Variants in CTDSPL observed in about 807,000 individuals in gnomAD.
CTDSPL encodes CTD small phosphatase-like protein.
A neutral mutation model predicts 30.5 loss-of-function variants in CTDSPL; 8 were observed. The ratio of observed to expected loss-of-function variants is 0.26; its 90% CI spans 0.15 to 0.47. The LOEUF (loss-of-function observed/expected upper bound fraction) is 0.47. CTDSPL is among the 20% of genes least tolerant of loss of function. The probability of loss-of-function intolerance (pLI) is 0.99; values close to 1 mark genes in which losing one functional copy is unlikely to be tolerated. For missense variants in CTDSPL, 248 were observed against 366.1 expected, an observed-to-expected ratio of 0.68 and a Z score of 2.63; for synonymous variants, 110 against 137.9, an observed-to-expected ratio of 0.80 and a Z score of 1.42.
intron 1 of CTDSPL, among the ~76,000 whole-genome samples, chr3:37,939,233 C>G (rs73058943): frequency 6.7e-6 from 1 of 150,118 alleles, no homozygotes; most frequent in East Asian, 1.9e-4. Flanking sequence ...TAGATTTTCT[C>G]TCTTACACAA....
intron 1 of CTDSPL, among the ~76,000 whole-genome samples, chr3:37,876,721 T>A (rs1316435538): frequency 6.6e-6 from 1 of 152,204 alleles, no homozygotes; most frequent in Non-Finnish European, 1.5e-5. Flanking sequence ...TTGTTGAATA[T>A]GTGTTTTGCA....
At chr3:37,967,525 G>A (rs958844592) in intron 4 of CTDSPL, among the ~76,000 whole-genome samples, 4 of 152,234 alleles carry the variant, frequency 2.6e-5, no homozygotes, top group Non-Finnish European at 5.9e-5. Context: ...AAGACTCTGG[G>A]CAAGAGCTGG....
chr3:37,953,097 A>C (rs1699128352), intron 2 of CTDSPL, among the ~76,000 whole-genome samples: 1 of 152,250 alleles, frequency 6.6e-6, no homozygotes, highest in African/African-American at 2.4e-5. Flanking sequence ...ATCAATAGAA[A>C]AAATATTAGT....
intron 1 of CTDSPL, among the ~76,000 whole-genome samples, chr3:37,865,350 CAATA>C (rs1279339303): frequency 1.3e-5 from 2 of 152,126 alleles, no homozygotes; most frequent in African/African-American, 4.8e-5. Flanking sequence ...TCTGAATGGC[CAATA>C]AATATATGAA....
At chr3:37,914,231 G>C (rs536795793) in intron 1 of CTDSPL, among the ~76,000 whole-genome samples, 1 of 152,116 alleles carries the variant, frequency 6.6e-6, no homozygotes, top group South Asian at 2.1e-4. Flanking sequence ...TTTTCCAAAT[G>C]TTTATTATAT....
At chr3:37,896,523 A>T (rs1698392040) in intron 1 of CTDSPL, among the ~76,000 whole-genome samples, 1 of 152,038 alleles carries the variant, frequency 6.6e-6, no homozygotes. Flanking sequence ...ATGCTTTAAC[A>T]TTGTGTTATT....
At chr3:37,867,484 A>G (rs1210223135) in intron 1 of CTDSPL, among the ~76,000 whole-genome samples, 1 of 152,194 alleles carries the variant, frequency 6.6e-6, no homozygotes, top group Non-Finnish European at 1.5e-5. Flanking sequence ...CCAGTGTGCA[A>G]TTGCTGGATC....
chr3:37,912,815 TCTC>T (rs1698598667), intron 1 of CTDSPL, among the ~76,000 whole-genome samples: 1 of 152,234 alleles, frequency 6.6e-6, no homozygotes, highest in South Asian at 2.1e-4. Context: ...CATCCTGTCT[TCTC>T]ATCATCATAG....
At chr3:37,915,156 T>G (rs1466844351) in intron 1 of CTDSPL, among the ~76,000 whole-genome samples, 1 of 152,200 alleles carries the variant, frequency 6.6e-6, no homozygotes, top group Non-Finnish European at 1.5e-5. Flanking sequence ...CTTCTGGCTT[T>G]TAGTATATTC....
At chr3:37,951,014 G>A (rs1400681804) in intron 2 of CTDSPL, among the ~76,000 whole-genome samples, 1 of 152,052 alleles carries the variant, frequency 6.6e-6, no homozygotes, top group Non-Finnish European at 1.5e-5. Flanking sequence ...GATTCAGAGA[G>A]GGAACAAAAA....
At chr3:37,942,419 G>C (rs1213124610) in intron 1 of CTDSPL, among the ~76,000 whole-genome samples, 1 of 150,530 alleles carries the variant, frequency 6.6e-6, no homozygotes, top group Non-Finnish European at 1.5e-5. Context: ...GAGGCAAGCA[G>C]ATCACTTGAG....
chr3:37,946,942 C>T, intron 1 of CTDSPL, 115 bp from the exon 2 acceptor site: 2 of 1,163,190 alleles, frequency 1.7e-6, no homozygotes, highest in Non-Finnish European at 2.4e-6. Flanking sequence ...TGAGCAGGCC[C>T]TCAGGGCTGG....
At chr3:37,959,708 G>C (rs1699214256) in intron 3 of CTDSPL, among the ~76,000 whole-genome samples, 1 of 152,084 alleles carries the variant, frequency 6.6e-6, no homozygotes, top group Non-Finnish European at 1.5e-5. Context: ...TTATGGACTT[G>C]TGTGATAGTT....
At chr3:37,947,637 G>C (rs1699055169) in intron 2 of CTDSPL, among the ~76,000 whole-genome samples, 1 of 152,196 alleles carries the variant, frequency 6.6e-6, no homozygotes, top group Non-Finnish European at 1.5e-5. Context: ...AAATTACCAA[G>C]AAAAGTAACC....
At chr3:37,915,329 G>A (rs1177360832) in intron 1 of CTDSPL, among the ~76,000 whole-genome samples, 3 of 151,976 alleles carry the variant, frequency 2.0e-5, no homozygotes, top group Non-Finnish European at 2.9e-5. Flanking sequence ...ATCCATTTAA[G>A]ATCTTGAATC....
intron 2 of CTDSPL, among the ~76,000 whole-genome samples, chr3:37,953,963 T>C (rs539201173): frequency 6.6e-6 from 1 of 152,320 alleles, no homozygotes; most frequent in African/African-American, 2.4e-5. Flanking sequence ...CCACCAAAGT[T>C]GATTCAAATC....
chr3:37,929,091 T>C (rs1478578645), intron 1 of CTDSPL, among the ~76,000 whole-genome samples: 1 of 152,194 alleles, frequency 6.6e-6, no homozygotes, highest in African/African-American at 2.4e-5. Context: ...TGACCGTACA[T>C]GCATAGGTTT....
chr3:37,902,251 A>G lies in CTDSPL; in HGVS notation c.79+39973A>G, dbSNP rs140972971. Among the ~76,000 whole-genome samples, 762 of 152,224 alleles carry G rather than the reference A, an allele frequency of 5.0e-3. 7 individuals carry two copies. The highest frequency in any genetic ancestry group is 0.018 in the African/African-American group (734 of 41,534). Reference sequence around the variant, plus strand: ...GATGGGTCAGTGGCCATCAGTGTCTATGCCAGCAAGTCATTGCATTTCTTT... The same window carrying G: ...GATGGGTCAGTGGCCATCAGTGTCTGTGCCAGCAAGTCATTGCATTTCTTT... On this transcript the variant is annotated intron_variant, in intron 1 of 7. Transcript: ENST00000273179.
In CTDSPL at chr3:37,980,952, G is replaced by A. The variant is rs1034078267; in HGVS notation, c.*85G>A. The A allele has an allele frequency of 2.7e-6, 4 of 1,499,166 alleles. No homozygotes were observed. The highest frequency in any genetic ancestry group is 2.4e-5 in the East Asian group (1 of 41,450). 92.9% of individuals were successfully genotyped at this position (1,499,166 alleles called of 1,614,324 possible). On this transcript the variant is annotated 3_prime_UTR_variant, in exon 8 of 8. Coordinates refer to ENST00000273179, the MANE Select transcript of CTDSPL (RefSeq NM_001008392.2). ...GCCTGTCCTCAGCTCCCTGGGAGCT[G>A]AAAGTGAGGATACTCCGTGCTCCAG...
Sources: allele counts gnomAD v4.1 joint callset (sites outside exome capture counted in the v4.1 genomes callset), GRCh38; gene constraint gnomAD v4.1.1; transcripts MANE v1.5; gene names NCBI Gene and HGNC (gene_info 2026-07-23, HGNC 2026-07-21).